Variants in DPP10 observed in about 807,000 individuals in gnomAD.
DPP10 encodes the protein dipeptidyl peptidase like 10.
DPP10 carries 33 observed loss-of-function variants against 120.9 expected under a neutral mutation model. The ratio of observed to expected loss-of-function variants is 0.27; its 90% CI spans 0.21 to 0.37. DPP10 has a LOEUF of 0.37. DPP10 is among the 10% of genes least tolerant of loss of function. The pLI is 1.00. For missense variants in DPP10, 816 were observed against 942.8 expected (o/e 0.87, Z 1.76); for synonymous variants, 337 against 326.1 (o/e 1.03, Z -0.36).
intron 5 of DPP10, among the ~76,000 whole-genome samples, chr2:115,536,669 C>T (rs183684210): frequency 3.6e-4 from 54 of 151,950 alleles, no homozygotes; most frequent in Non-Finnish European, 6.9e-4. Context: ...TTATAGGACA[C>T]GAATGCTTTT....
At chr2:115,829,102 T>C (rs1366775813) in intron 21 of DPP10, among the ~76,000 whole-genome samples, 3 of 152,168 alleles carry the variant, frequency 2.0e-5, no homozygotes, top group African/African-American at 7.2e-5. Context: ...CTTGGGTAAT[T>C]TCTTCCAGTG....
chr2:115,344,769 T>C (rs921838814), intron 3 of DPP10, among the ~76,000 whole-genome samples: 2 of 152,176 alleles, frequency 1.3e-5, no homozygotes, highest in Non-Finnish European at 2.9e-5. Context: ...ATACGAATCA[T>C]TATGGTTGGA....
intron 1 of DPP10, among the ~76,000 whole-genome samples, chr2:115,244,247 G>T (rs796196578): frequency 0.34 from 18,000 of 52,754 alleles, 1,262 homozygotes; most frequent in African/African-American, 0.4. Flanking sequence ...TATAGAGAGA[G>T]AGAGAGAGAG....
At chr2:115,787,724 A>C (rs1328816336) in intron 17 of DPP10, among the ~76,000 whole-genome samples, 1 of 152,200 alleles carries the variant, frequency 6.6e-6, no homozygotes, top group African/African-American at 2.4e-5. Context: ...AGTTCAACAT[A>C]ACGGAAGCAG....
At chr2:115,324,851 G>A (rs1458621652) in intron 2 of DPP10, among the ~76,000 whole-genome samples, 4 of 151,944 alleles carry the variant, frequency 2.6e-5, no homozygotes, top group South Asian at 2.1e-4. Flanking sequence ...TCTTCCTTTC[G>A]CTGGAATACT....
intron 1 of DPP10, among the ~76,000 whole-genome samples, chr2:115,098,827 C>G (rs2048533180): frequency 6.6e-6 from 1 of 152,160 alleles, no homozygotes; most frequent in Non-Finnish European, 1.5e-5. Context: ...TCTAGATTCA[C>G]CTTTAACTAG....
chr2:115,317,929 A>G (rs1382043205), intron 2 of DPP10, among the ~76,000 whole-genome samples: 1 of 152,038 alleles, frequency 6.6e-6, no homozygotes, highest in Non-Finnish European at 1.5e-5. Context: ...CTTTACTTTC[A>G]TAATAGTTTC....
At chr2:114,898,266 C>T (rs563014756) in intron 1 of DPP10, among the ~76,000 whole-genome samples, 1 of 149,166 alleles carries the variant, frequency 6.7e-6, no homozygotes, top group Admixed American at 6.7e-5. Flanking sequence ...CCAAACACTG[C>T]ATATTCTCAC....
At chr2:114,782,159 A>G (rs1682387899) in intron 1 of DPP10, among the ~76,000 whole-genome samples, 1 of 151,924 alleles carries the variant, frequency 6.6e-6, no homozygotes, top group Non-Finnish European at 1.5e-5. Context: ...TGTACGTTGC[A>G]TATTTTTTAA....
Position 115,777,365 on chromosome 2 carries a change from G to A in DPP10, c.1313+66G>A, listed in dbSNP as rs138448594. Reference sequence around the variant, plus strand: ...TTGTCAAATGCCATCTTTTCTAATAGAATTATGTTTTGCTTACCATAGTCC... The same window carrying A: ...TTGTCAAATGCCATCTTTTCTAATAAAATTATGTTTTGCTTACCATAGTCC... On this transcript the variant is annotated intron_variant, in intron 14 of 25. Transcript: ENST00000410059. 666 of 1,418,992 alleles carry A rather than the reference G, an allele frequency of 4.7e-4. 1 individual carries two copies. Among genetic ancestry groups the A allele is most frequent in the Non-Finnish European group, 6.3e-4 (638 of 1,012,432 alleles). The allele number at this position is 1,418,992 out of a possible 1,614,324, so 87.9% of individuals were successfully genotyped here.
At chr2:114,619,042 G>T (rs1693884141) in intron 1 of DPP10, among the ~76,000 whole-genome samples, 1 of 151,932 alleles carries the variant, frequency 6.6e-6, no homozygotes, top group Non-Finnish European at 1.5e-5. Flanking sequence ...ACATGGGAAA[G>T]GAAAGACACT....
At chr2:114,926,587 T>C (rs759513744) in intron 1 of DPP10, among the ~76,000 whole-genome samples, 6 of 152,194 alleles carry the variant, frequency 3.9e-5, no homozygotes, top group Non-Finnish European at 7.3e-5. Context: ...AACTGCCTGC[T>C]GTGTTCCCAT....
chr2:115,279,738 T>G (rs555906511), intron 1 of DPP10, among the ~76,000 whole-genome samples: 18 of 129,290 alleles, frequency 1.4e-4, no homozygotes, highest in Non-Finnish European at 2.2e-4. Flanking sequence ...CTTGGCTCAC[T>G]GCAACTTCTG....
In DPP10 at chr2:115,455,459, A is replaced by C. The variant is rs549072547; in HGVS notation, c.272-44051A>C. ...GTTGACTTTCTTCACAGAATTGGAA[A>C]AAACTATTTTAAATTTCATATGGAA... On this transcript the variant is annotated intron_variant, in intron 3 of 25. Transcript: ENST00000410059. Among the ~76,000 whole-genome samples, 11 of 152,278 alleles carry C rather than the reference A, an allele frequency of 7.2e-5. No individual in the cohort carries two copies. The East Asian group carries it at 1.9e-3, about 27-fold the overall frequency.
intron 1 of DPP10, among the ~76,000 whole-genome samples, chr2:114,722,977 A>C (rs1239341869): frequency 6.6e-6 from 1 of 152,086 alleles, no homozygotes; most frequent in African/African-American, 2.4e-5. Flanking sequence ...ATTGGAGAAA[A>C]GCAAAGTTGT....
intron 19 of DPP10, among the ~76,000 whole-genome samples, chr2:115,791,696 G>A (rs910893464): frequency 6.6e-6 from 1 of 152,146 alleles, no homozygotes; most frequent in African/African-American, 2.4e-5. Context: ...TAATTCCACT[G>A]CTAAAACAAT....
At chr2:115,290,525 T>G (rs1574312652) in intron 1 of DPP10, among the ~76,000 whole-genome samples, 1 of 152,232 alleles carries the variant, frequency 6.6e-6, no homozygotes, top group Middle Eastern at 3.4e-3. Context: ...ATTTGAACAT[T>G]TTCATAATGA....
At chr2:115,790,948 C>A in intron 17 of DPP10, 133 bp from the exon 18 acceptor site, 1 of 546,074 alleles carries the variant, frequency 1.8e-6, no homozygotes. Flanking sequence ...TGTAGTAATT[C>A]AAAAGAGAAA....
At chr2:115,410,012 A>G (rs189822920) in intron 3 of DPP10, among the ~76,000 whole-genome samples, 2 of 152,340 alleles carry the variant, frequency 1.3e-5, no homozygotes, top group African/African-American at 4.8e-5. Flanking sequence ...TTTACATTTA[A>G]GTCTTCAATT....
Sources: allele counts gnomAD v4.1 joint callset (sites outside exome capture counted in the v4.1 genomes callset), GRCh38; gene constraint gnomAD v4.1.1; transcripts MANE v1.5; gene names NCBI Gene and HGNC (gene_info 2026-07-23, HGNC 2026-07-21).